The following PRKAB2 variants were observed in gnomAD, a reference collection of about 807,000 sequenced individuals.
PRKAB2 encodes the protein 5'-AMP-activated protein kinase subunit beta-2.
A neutral mutation model predicts 29.8 loss-of-function variants in PRKAB2; 18 were observed. The observed-to-expected ratio is 0.60, with a 90% confidence interval of 0.42 to 0.89. The LOEUF is 0.89. Ranked by LOEUF, PRKAB2 falls within the 40% of genes least tolerant of loss-of-function variation. The probability of loss-of-function intolerance (pLI) is 0.00; values close to 1 mark genes in which losing one functional copy is unlikely to be tolerated. For synonymous variants in PRKAB2, 136 were observed against 125.9 expected, an observed-to-expected ratio of 1.08 and a Z score of -0.54; for missense variants, 270 against 344.3, an observed-to-expected ratio of 0.78 and a Z score of 1.71.
chr1:147,171,693 G>C (rs1299032854), intron 2 of PRKAB2, among the ~76,000 whole-genome samples: 3 of 152,166 alleles, frequency 2.0e-5, no homozygotes, highest in Non-Finnish European at 4.4e-5. Flanking sequence ...CTATGGAAGA[G>C]AGCCATTCGT....
At chr1:147,167,969 G>A in intron 2 of PRKAB2, 36 bp from the exon 3 acceptor site, 1 of 1,579,416 alleles carries the variant, frequency 6.3e-7, no homozygotes, top group African/African-American at 1.4e-5. Context: ...AGAATAAACT[G>A]TGACCCAAGA....
chr1:147,161,805 T>C (rs1559608523), intron 6 of PRKAB2, 25 bp from the exon 7 acceptor site: 4 of 1,551,172 alleles, frequency 2.6e-6, no homozygotes, highest in Non-Finnish European at 8.8e-7. Context: ...AAAAAATTAC[T>C]AAAAAAATTA....
chr1:147,159,742 A>T (rs782162293), intron 7 of PRKAB2, 100 bp from the exon 8 acceptor site: 32 of 1,011,654 alleles, frequency 3.2e-5, no homozygotes, highest in South Asian at 3.1e-4. Context: ...TTTAACAGAG[A>T]TAGTTTGATA....
At chr1:147,162,382 T>A (rs1402820969) in intron 6 of PRKAB2, 58 bp downstream of exon 6, 5 of 1,509,218 alleles carry the variant, frequency 3.3e-6, no homozygotes, top group Non-Finnish European at 3.6e-6. Flanking sequence ...ATTACTGAAC[T>A]TTGGTCCAAA....
Position 147,171,292 on chromosome 1 carries a change from A to ATCCT in PRKAB2, c.156+696_156+697insAGGA, listed in dbSNP as rs1424378117. Among the ~76,000 whole-genome samples the ATCCT allele has an allele frequency of 2.6e-5, 4 of 152,334 alleles. No individual in the cohort carries two copies. In the East Asian group the frequency reaches 7.7e-4, roughly 29 times the overall value. On this transcript the variant is annotated intron_variant, in intron 2 of 7. Coordinates refer to ENST00000254101, the MANE Select transcript of PRKAB2 (RefSeq NM_005399.5). ...GCAACATTTTGAAGTACTACTGAGG[A>ATCCT]GTAAACAAGTCGTGGAATCATTGGC... is the stretch of plus-strand genomic sequence containing the variant.
chr1:147,166,571 G>A lies in PRKAB2; in HGVS notation c.465C>T (p.Val155=). 1 of 1,614,024 alleles carries A rather than the reference G, an allele frequency of 6.2e-7. No individual in the cohort carries two copies. The highest frequency in any genetic ancestry group is 8.5e-7 in the Non-Finnish European group (1 of 1,179,942). The part of the protein sequence containing the change: ...QLGTINNLIH[V]KKSDFEVFDA... ...CGAACACCTCAAAATCAGATTTCTT[G>A]ACATGGATCAAATTGTTAATTGTGC... The change falls in exon 5 of 8, where the codon GTC becomes GTT. Residue 155 remains valine, a synonymous_variant. Coordinates refer to ENST00000254101, the MANE Select transcript of PRKAB2 (RefSeq NM_005399.5).
chr1:147,162,359 C>T, intron 6 of PRKAB2, 81 bp downstream of exon 6: 1 of 1,399,540 alleles, frequency 7.1e-7, no homozygotes, highest in Non-Finnish European at 9.8e-7. Context: ...CTGTAGTAAT[C>T]CTAACCTCTA....
In PRKAB2 at chr1:147,172,020, T is replaced by C. The variant is rs781820097; in HGVS notation, c.125A>G (p.Asp42Gly). 6.3e-7 allele frequency: 1 copy of C among 1,598,050 alleles called. No homozygotes were observed. The highest frequency in any genetic ancestry group is 8.5e-7 in the Non-Finnish European group (1 of 1,173,222). Residue 42 changes from aspartate to glycine, a missense_variant, in exon 2 of 8, where the codon GAC (aspartate) becomes GGC (glycine). Transcript: ENST00000254101. ...EHKIMVGSTD[D>G]PSVFSLPDSK... is the part of the protein sequence containing the mutation. ...GTCAGGGAGGCTGAACACGCTGGGG[T>C]CGTCCGTACTCCCCACCATGATCTT...
At chr1:147,162,366 TC>T in intron 6 of PRKAB2, 73 bp downstream of exon 6, 10 of 1,413,282 alleles carry the variant, frequency 7.1e-6, no homozygotes, top group Non-Finnish European at 7.8e-6. Context: ...AATCCTAACC[TC>T]TAGGATTACT....
intron 5 of PRKAB2, among the ~76,000 whole-genome samples, chr1:147,164,993 T>C (rs997095014): frequency 1.1e-4 from 16 of 152,226 alleles, no homozygotes; most frequent in Non-Finnish European, 2.4e-4. Flanking sequence ...TCTGAGCTTA[T>C]ATGATGAAAA....
chr1:147,171,974 G>T lies in PRKAB2; in HGVS notation c.156+15C>A. The T allele has an allele frequency of 1.3e-6, 2 of 1,596,326 alleles. No homozygotes were observed. The highest frequency in any genetic ancestry group is 1.7e-6 in the Non-Finnish European group (2 of 1,172,292). On this transcript the variant is annotated intron_variant, in intron 2 of 7. Transcript: ENST00000254101. ...GCTGCAGTACTGACACCAACTGCGG[G>T]CATGGGACGCTTACCTTGGAGTCAG...
At chr1:147,165,046 A>T (rs1260909360) in intron 5 of PRKAB2, among the ~76,000 whole-genome samples, 1 of 152,204 alleles carries the variant, frequency 6.6e-6, no homozygotes, top group Non-Finnish European at 1.5e-5. Context: ...TACACTATTA[A>T]TAATAGTCTC....
At position 147,161,735 on chromosome 1, in the gene PRKAB2, G is replaced by C; in HGVS notation, c.718C>G (p.His240Asp). ...ACCTTAATGGACAATGCATAGAGAT[G>C]GTTCAGCATAACATGGTTGGGCTCA... ...LPEPNHVMLNHLYALSIKDSV... is the reference protein window; with the variant it reads ...LPEPNHVMLNDLYALSIKDSV... The change falls in exon 7 of 8, where the codon CAT becomes GAT. Residue 240 changes from histidine (H) to aspartate (D), a missense_variant. Physicochemically the swap from His to Asp is moderately conservative, Grantham distance 81 (BLOSUM62 -1). Coordinates refer to ENST00000254101, the MANE Select transcript of PRKAB2 (RefSeq NM_005399.5). The C allele has an allele frequency of 6.2e-7, 1 of 1,613,042 alleles. No homozygotes were observed. Among genetic ancestry groups the C allele is most frequent in the Non-Finnish European group, 8.5e-7 (1 of 1,179,212 alleles).
Position 147,155,602 on chromosome 1 carries a change from A to G in PRKAB2, c.*3963T>C, listed in dbSNP as rs1267951645. 6.6e-6 allele frequency: 1 copy of G among 152,576 alleles called. No homozygotes were observed. 9.5% of individuals were successfully genotyped at this position (152,576 alleles called of 1,614,324 possible). A position where few individuals can be genotyped will look rare whatever the true frequency, so the allele number is the denominator to read the frequency against. On this transcript the variant is annotated 3_prime_UTR_variant, in exon 8 of 8. Coordinates refer to ENST00000254101, the MANE Select transcript of PRKAB2 (RefSeq NM_005399.5). ...TCATCAATACCTAATATATGACTTA[A>G]TGTAGGTATCCCTTGACCATTTAAC...
chr1:147,170,615 T>C (rs1351829053), intron 2 of PRKAB2, among the ~76,000 whole-genome samples: 1 of 151,890 alleles, frequency 6.6e-6, no homozygotes. Context: ...TTTGAGAGTC[T>C]GTCACCCAGG....
chr1:147,161,337 C>CA (rs1553913027), intron 7 of PRKAB2, among the ~76,000 whole-genome samples: 2 of 151,938 alleles, frequency 1.3e-5, no homozygotes, highest in African/African-American at 4.8e-5. Flanking sequence ...ATTCCACCTT[C>CA]AAAAAATGAA....
At chr1:147,170,587 G>GTTT (rs148632948) in intron 2 of PRKAB2, among the ~76,000 whole-genome samples, 1 of 149,790 alleles carries the variant, frequency 6.7e-6, no homozygotes, top group Non-Finnish European at 1.5e-5. Context: ...TGGTTTTTTT[G>GTTT]TTTTTTTGTT....
chr1:147,170,648 A>G (rs1654479987), intron 2 of PRKAB2, among the ~76,000 whole-genome samples: 1 of 151,636 alleles, frequency 6.6e-6, no homozygotes, highest in African/African-American at 2.4e-5. Context: ...GGTTTGATCT[A>G]AACTCACTGC....
chr1:147,172,187 C>G lies in PRKAB2; in HGVS notation c.-23-20G>C. 6.6e-7 allele frequency: 1 copy of G among 1,511,292 alleles called. No homozygotes were observed. The highest frequency in any genetic ancestry group is 8.8e-7 in the Non-Finnish European group (1 of 1,130,296). The allele number at this position is 1,511,292 out of a possible 1,614,324, so 93.6% of individuals were successfully genotyped here. The stretch of plus-strand genomic sequence containing the variant: ...GACCACCTACCGCGGGGAACGACAC[C>G]GGGCTGGGAACACCTCAGCCGCCGC... On this transcript the variant is annotated intron_variant, in intron 1 of 7. Coordinates refer to ENST00000254101, the MANE Select transcript of PRKAB2 (RefSeq NM_005399.5).
Sources: gnomAD v4.1 joint callset for allele counts (sites outside exome capture counted in the v4.1 genomes callset) on GRCh38, gnomAD v4.1.1 for gene constraint, MANE v1.5 for transcripts, NCBI Gene and HGNC (gene_info 2026-07-23, HGNC 2026-07-21) for gene names.